CELSR1: variants seen among roughly 807,000 people sequenced by gnomAD.
The protein encoded by CELSR1 is adhesion G protein-coupled receptor C1.
A neutral mutation model predicts 249.1 loss-of-function variants in CELSR1; 110 were observed. The ratio of observed to expected loss-of-function variants is 0.44; its 90% CI spans 0.38 to 0.52. The LOEUF is 0.52. Among genes scored for constraint, CELSR1 ranks in the 20% least tolerant of loss-of-function variants. The pLI is 0.00. For missense variants in CELSR1, 4,109 were observed against 4,296.4 expected, an observed-to-expected ratio of 0.96 and a Z score of 1.22; for synonymous variants, 2,113 against 1,900.0, an observed-to-expected ratio of 1.11 and a Z score of -2.92.
At position 46,500,371 on chromosome 22, in the gene CELSR1, C is replaced by T. The variant is rs1287672218; in HGVS notation, c.3544+33256G>A. Among the ~76,000 whole-genome samples the T allele has an allele frequency of 1.3e-5, 2 of 152,160 alleles. No homozygotes were observed. Among genetic ancestry groups the T allele is most frequent in the Admixed American group, 6.5e-5 (1 of 15,270 alleles). The stretch of plus-strand genomic sequence containing the variant: ...CCGCTGACAGCCCCCTCCCCCATGG[C>T]GCAGAGATCACATTTACAGCGGTGG... On this transcript the variant is annotated intron_variant, in intron 1 of 34. Transcript: ENST00000674500. This position sits in a 1 kb window ranked among gnomAD's most constrained non-coding sequence, Gnocchi z 4.9.
At chr22:46,511,584 C>T (rs1180129278) in intron 1 of CELSR1, among the ~76,000 whole-genome samples, 2 of 152,324 alleles carry the variant, frequency 1.3e-5, no homozygotes, top group South Asian at 2.1e-4. Flanking sequence ...ACCCAAAGCT[C>T]AGAGAGCTGT....
rs1267436313 is a variant in CELSR1, at chr22:46,412,883, C to T, written c.4612-1124G>A. ...AACAAGACCTACATCCCACAGGTGG[C>T]CGTGACGATGAGCCAGGAGATCGCC... On this transcript the variant is annotated intron_variant, in intron 5 of 34. Transcript: ENST00000674500. This position sits in a 1 kb window ranked among gnomAD's most constrained non-coding sequence, Gnocchi z 4.5. Among the ~76,000 whole-genome samples, 2 of 152,218 alleles carry T rather than the reference C, an allele frequency of 1.3e-5. No homozygotes were observed. The highest frequency in any genetic ancestry group is 2.1e-4 in the South Asian group (1 of 4,832).
chr22:46,534,598 T>C lies in CELSR1; in HGVS notation c.2573A>G (p.Tyr858Cys). 1.9e-6 allele frequency: 3 copies of C among 1,613,914 alleles called. No individual in the cohort carries two copies. The highest frequency in any genetic ancestry group is 2.2e-5 in the South Asian group (2 of 91,086). Residue 858 changes from tyrosine (Y) to cysteine (C), a missense_variant, in exon 1 of 35, where the codon TAC becomes TGC. Physicochemically the swap from Tyr to Cys is radical, Grantham distance 194. Coordinates refer to ENST00000674500, the MANE Select transcript of CELSR1 (RefSeq NM_001378328.1). The surrounding 1 kb of genome is among the most constrained non-coding windows in gnomAD (Gnocchi z 9.7). ...GTCCTGGGCCATGATGGTCAGCGTG[T>C]AGGCGACCTGGTTCTCATAGTCCAG... ...MELDYENQVA[Y>C]TLTIMAQDNG...
chr22:46,461,477 G>T (rs1305443593), intron 2 of CELSR1, among the ~76,000 whole-genome samples: 1 of 152,236 alleles, frequency 6.6e-6, no homozygotes, highest in African/African-American at 2.4e-5. Context: ...GCCCAGTGCA[G>T]CCCCAAGCTT....
At chr22:46,370,005 T>G (rs1433056655) in intron 25 of CELSR1, 1 of 652,352 alleles carries the variant, frequency 1.5e-6, no homozygotes, top group East Asian at 3.0e-5. Context: ...CTGGCCCAGG[T>G]GGCAGGAGCT....
Position 46,433,686 on chromosome 22 carries a change from C to T in CELSR1, c.4523-205G>A, listed in dbSNP as rs887835520. ...CAAAAGTAATTCTTGTTCCTCTTTTCTGGTTTTGTTTGTTTTGAGATGGAG... is the reference window on the plus strand; with the variant it reads ...CAAAAGTAATTCTTGTTCCTCTTTTTTGGTTTTGTTTGTTTTGAGATGGAG... On this transcript the variant is annotated intron_variant, in intron 4 of 34. Coordinates refer to ENST00000674500, the MANE Select transcript of CELSR1 (RefSeq NM_001378328.1). The surrounding 1 kb of genome is among the most constrained non-coding windows in gnomAD (Gnocchi z 5.7). 6.6e-6 allele frequency among the ~76,000 whole-genome samples: 1 copy of T among 152,092 alleles called. No homozygotes were observed.
intron 1 of CELSR1, among the ~76,000 whole-genome samples, chr22:46,511,868 G>A (rs1373493122): frequency 2.0e-5 from 3 of 152,028 alleles, no homozygotes; most frequent in Non-Finnish European, 2.9e-5. Context: ...AACATCCCTC[G>A]GTCATTAGAC....
At chr22:46,370,887 A>C (rs2078844320) in intron 25 of CELSR1, among the ~76,000 whole-genome samples, 1 of 152,258 alleles carries the variant, frequency 6.6e-6, no homozygotes, top group Non-Finnish European at 1.5e-5. Context: ...GTGTTAAACA[A>C]AACAAACCGA....
Position 46,401,139 on chromosome 22 carries a change from G to A in CELSR1, c.5227-1237C>T, listed in dbSNP as rs2079207209. Among the ~76,000 whole-genome samples the A allele has an allele frequency of 6.6e-6, 1 of 152,054 alleles. No individual in the cohort carries two copies. The highest frequency in any genetic ancestry group is 2.4e-5 in the African/African-American group (1 of 41,406). On this transcript the variant is annotated intron_variant, in intron 9 of 34. Coordinates refer to ENST00000674500, the MANE Select transcript of CELSR1 (RefSeq NM_001378328.1). The surrounding 1 kb of genome is among the most constrained non-coding windows in gnomAD (Gnocchi z 4.7). ...ACCCAGCTCGATTCAGGTAACTACT[G>A]GGCTCCTATTTTTGGATGTAAACAT...
At position 46,365,216 on chromosome 22, in the gene CELSR1, G is replaced by A. The variant is rs2078754391; in HGVS notation, c.8554+15C>T. On this transcript the variant is annotated intron_variant, in intron 32 of 34. Coordinates refer to ENST00000674500, the MANE Select transcript of CELSR1 (RefSeq NM_001378328.1). ...TCCACAGCCCAGCCTGGCCCAATGT[G>A]CCCCACACACTCACCTTTGGGGGTG... The A allele has an allele frequency of 1.2e-6, 2 of 1,609,234 alleles. No homozygotes were observed. Among genetic ancestry groups the A allele is most frequent in the Non-Finnish European group, 1.7e-6 (2 of 1,179,262 alleles).
rs1337120919 is a variant in CELSR1 at position 46,535,820 on chromosome 22, C to T, written c.1351G>A (p.Asp451Asn). Residue 451 changes from aspartate (D) to asparagine (N), a missense_variant, in exon 1 of 35, where the codon GAC becomes AAC. Coordinates refer to ENST00000674500, the MANE Select transcript of CELSR1 (RefSeq NM_001378328.1). The part of the protein sequence containing the change: ...ATATVYIEVE[D>N]ENDNYPQFSE... The stretch of plus-strand genomic sequence containing the variant: ...AACTGGGGGTAGTTGTCGTTCTCGT[C>T]CTCCACCTCGATGTACACGGTGGCC... 1 of 1,612,072 alleles carries T rather than the reference C, an allele frequency of 6.2e-7. No individual in the cohort carries two copies. Among genetic ancestry groups the T allele is most frequent in the Non-Finnish European group, 8.5e-7 (1 of 1,180,002 alleles).
In CELSR1 at chr22:46,537,594, G is replaced by A. The variant is rs539243716; in HGVS notation, c.-424C>T. 6.8e-6 allele frequency among the ~76,000 whole-genome samples: 1 copy of A among 147,530 alleles called. No individual in the cohort carries two copies. Among genetic ancestry groups the A allele is most frequent in the Non-Finnish European group, 1.5e-5 (1 of 66,192 alleles). ...GCTCCGCGCCGCGCAGACCCCGGCGGCCGGCTGCTGCCTGGGCGGTGCGCT... is the reference window on the plus strand; with the variant it reads ...GCTCCGCGCCGCGCAGACCCCGGCGACCGGCTGCTGCCTGGGCGGTGCGCT... On this transcript the variant is annotated 5_prime_UTR_variant, in exon 1 of 35. Transcript: ENST00000674500. This position sits in a 1 kb window ranked among gnomAD's most constrained non-coding sequence, Gnocchi z 5.8.
chr22:46,396,673 G>A lies in CELSR1; in HGVS notation c.5775C>T (p.Ser1925=), dbSNP rs377747461. The part of the protein sequence containing the change: ...PCENMGACVR[S]PGSPQGYVCE... ...ACACGTAGCCCTGCGGGGAGCCGGG[G>A]GAGCGCACGCAGGCCCCCATGTTCT... The change falls in exon 13 of 35, where the codon TCC becomes TCT. Residue 1925 remains serine, a synonymous_variant. Transcript: ENST00000674500. The surrounding 1 kb of genome is among the most constrained non-coding windows in gnomAD (Gnocchi z 6.4). 4 of 1,612,938 alleles carry A rather than the reference G, an allele frequency of 2.5e-6. No individual in the cohort carries two copies. Among genetic ancestry groups the A allele is most frequent in the Non-Finnish European group, 3.4e-6 (4 of 1,179,560 alleles).
intron 1 of CELSR1, among the ~76,000 whole-genome samples, chr22:46,477,601 G>A (rs986527737): frequency 1.9e-4 from 27 of 144,684 alleles, no homozygotes; most frequent in Admixed American, 7.4e-4. Context: ...TCCACCTCCC[G>A]AGTTCAAGCG....
chr22:46,444,436 G>C lies in CELSR1; in HGVS notation c.4184-5025C>G, dbSNP rs866711804. ...CCCCCGAGGGGGGCACCTCTGCAGG[G>C]ACCAGAGATCAACAGGTGGCTGCTA... is the stretch of plus-strand genomic sequence containing the variant. On this transcript the variant is annotated intron_variant, in intron 2 of 34. Transcript: ENST00000674500. Among the ~76,000 whole-genome samples the C allele has an allele frequency of 3.9e-5, 6 of 152,324 alleles. No individual in the cohort carries two copies. The South Asian group carries it at 6.2e-4, about 16-fold the overall frequency.
In CELSR1 at chr22:46,484,973, C is replaced by T. The variant is rs1200954412; in HGVS notation, c.3545-20628G>A. 6.6e-6 allele frequency among the ~76,000 whole-genome samples: 1 copy of T among 151,822 alleles called. No individual in the cohort carries two copies. Among genetic ancestry groups the T allele is most frequent in the African/African-American group, 2.4e-5 (1 of 41,336 alleles). ...TTTCGTTTTTCTAGTTAAATATTTG[C>T]TGAGAAAATTCCAGTCCTAAATTTC... On this transcript the variant is annotated intron_variant, in intron 1 of 34. Coordinates refer to ENST00000674500, the MANE Select transcript of CELSR1 (RefSeq NM_001378328.1). This position sits in a 1 kb window ranked among gnomAD's most constrained non-coding sequence, Gnocchi z 4.5.
Position 46,472,499 on chromosome 22 carries a change from G to A in CELSR1, c.3545-8154C>T, listed in dbSNP as rs907792358. ...AGCGCAGCTGATGCTGGACGGCCCC[G>A]GGAGACAGGGGAGTAGGTTTCCTGG... On this transcript the variant is annotated intron_variant, in intron 1 of 34. Transcript: ENST00000674500. The surrounding 1 kb of genome is among the most constrained non-coding windows in gnomAD (Gnocchi z 7.0). Among the ~76,000 whole-genome samples, 11 of 152,148 alleles carry A rather than the reference G, an allele frequency of 7.2e-5. No homozygotes were observed. Among genetic ancestry groups the A allele is most frequent in the African/African-American group, 2.2e-4 (9 of 41,428 alleles).
At chr22:46,400,625 G>A (rs1251999560) in intron 9 of CELSR1, among the ~76,000 whole-genome samples, 1 of 152,056 alleles carries the variant, frequency 6.6e-6, no homozygotes, top group African/African-American at 2.4e-5. Context: ...TGGGAGACAA[G>A]AGCGAGACTC....
At chr22:46,386,627 C>T in intron 18 of CELSR1, 42 bp from the exon 19 acceptor site, 1 of 1,493,658 alleles carries the variant, frequency 6.7e-7, no homozygotes, top group Non-Finnish European at 8.9e-7. Flanking sequence ...CTGCGGAGGC[C>T]TGGCTCGTGG....
Sources: allele counts gnomAD v4.1 joint callset (sites outside exome capture counted in the v4.1 genomes callset), GRCh38; gene constraint gnomAD v4.1.1; non-coding constraint Gnocchi (gnomAD v3.1); transcripts MANE v1.5; gene names NCBI Gene and HGNC (gene_info 2026-07-23, HGNC 2026-07-21).